The following THOC2 variants were observed in gnomAD, a reference collection of about 807,000 sequenced individuals.
THOC2 encodes the protein THO complex subunit 2.
THOC2 carries 10 observed loss-of-function variants against 128.4 expected under a neutral mutation model. The ratio of observed to expected loss-of-function variants is 0.08; its 90% confidence interval spans 0.05 to 0.13. The LOEUF (loss-of-function observed/expected upper bound fraction) is 0.13. Among genes scored for constraint, THOC2 ranks in the 10% least tolerant of loss-of-function variants. The probability of loss-of-function intolerance (pLI) is 1.00; values close to 1 mark genes in which losing one functional copy is unlikely to be tolerated. For missense variants in THOC2, 535 were observed against 1,155.7 expected (o/e 0.46, Z 7.79); for synonymous variants, 393 against 396.9 (o/e 0.99, Z 0.12).
chrX:123,635,072 T>G (rs1235067806), intron 19 of THOC2, among the ~76,000 whole-genome samples: 2 of 112,009 alleles, frequency 1.8e-5, no homozygotes, highest in Non-Finnish European at 3.8e-5. Flanking sequence ...GTTTGTTCTC[T>G]CAACTTGCCT....
chrX:123,651,403 G>C (rs1364410452), intron 12 of THOC2, among the ~76,000 whole-genome samples: 1 of 111,405 alleles, frequency 9.0e-6, no homozygotes. Flanking sequence ...AGAGAAGCAA[G>C]AGCAAACAAA....
chrX:123,633,815 CA>C (rs1240388889), intron 20 of THOC2, 137 bp downstream of exon 20: 11 of 397,153 alleles, frequency 2.8e-5, no homozygotes, highest in South Asian at 1.1e-4. Flanking sequence ...AAAAGGGGGG[CA>C]GGGGTGGTTG....
intron 9 of THOC2, among the ~76,000 whole-genome samples, chrX:123,670,036 T>A (rs1338648448): frequency 1.2e-4 from 13 of 112,342 alleles, no homozygotes; most frequent in Non-Finnish European, 2.4e-4. Flanking sequence ...AATTTGTACT[T>A]TCCACATATG....
intron 12 of THOC2, among the ~76,000 whole-genome samples, chrX:123,662,587 C>CA (rs777761030): frequency 0.063 from 2,976 of 47,094 alleles, 120 homozygotes; most frequent in Non-Finnish European, 0.085. Flanking sequence ...GACTCCGTCT[C>CA]AAAAAAAAAA....
At chrX:123,716,808 G>A (rs2051442044) in intron 1 of THOC2, among the ~76,000 whole-genome samples, 1 of 105,513 alleles carries the variant, frequency 9.5e-6, no homozygotes, top group Admixed American at 1.0e-4. Flanking sequence ...TGAGGCAGGA[G>A]AATCGCTTGG....
intron 30 of THOC2, among the ~76,000 whole-genome samples, chrX:123,622,245 C>A (rs1395805031): frequency 1.8e-5 from 2 of 110,044 alleles, no homozygotes; most frequent in African/African-American, 6.6e-5. Flanking sequence ...TAAAAACACA[C>A]AAAAAATTAG....
At chrX:123,725,184 C>T (rs1210452555) in intron 1 of THOC2, among the ~76,000 whole-genome samples, 1 of 111,478 alleles carries the variant, frequency 9.0e-6, no homozygotes, top group Non-Finnish European at 1.9e-5. Flanking sequence ...GAGTACCTTA[C>T]AAATGGTAAG....
At chrX:123,613,268 T>A in intron 36 of THOC2, 131 bp downstream of exon 36, 5 of 640,416 alleles carry the variant, frequency 7.8e-6, no homozygotes, top group Non-Finnish European at 1.2e-5. Context: ...CCTCCCTCAA[T>A]ACCTCTTCTT....
chrX:123,706,841 AAT>A lies in THOC2; in HGVS notation c.222+15_222+16del. On this transcript the variant is annotated intron_variant, in intron 3 of 38. Transcript: ENST00000245838. ...TATATAACAACTATTAACTTAAAAA[AAT>A]ATATACATACTTACACTAATGTCAC... The A allele has an allele frequency of 1.1e-6, 1 of 916,033 alleles. No individual in the cohort carries two copies. Among genetic ancestry groups the A allele is most frequent in the South Asian group, 3.2e-5 (1 of 31,123 alleles). 75.5% of individuals were successfully genotyped at this position (916,033 alleles called of 1,213,427 possible).
At chrX:123,626,933 TC>T (rs2047290146) in intron 23 of THOC2, among the ~76,000 whole-genome samples, 1 of 111,484 alleles carries the variant, frequency 9.0e-6, no homozygotes, top group African/African-American at 3.3e-5. Flanking sequence ...CTCCTTTATA[TC>T]AAGACTGGTT....
chrX:123,628,218 C>A (rs1211436228), intron 22 of THOC2, among the ~76,000 whole-genome samples: 2 of 111,575 alleles, frequency 1.8e-5, no homozygotes, highest in Non-Finnish European at 3.8e-5. Context: ...TCTAATCTGA[C>A]CTGTTGAGTA....
intron 23 of THOC2, among the ~76,000 whole-genome samples, chrX:123,627,003 C>T (rs181004598): frequency 3.7e-4 from 42 of 112,127 alleles, no homozygotes; most frequent in Admixed American, 1.9e-3. Context: ...ATAGACTGCC[C>T]AAAAAGCCAC....
chrX:123,662,359 G>A (rs978977366), intron 12 of THOC2, among the ~76,000 whole-genome samples: 5 of 110,368 alleles, frequency 4.5e-5, no homozygotes, highest in African/African-American at 1.7e-4. Flanking sequence ...GACCGAGGTG[G>A]GCAGATCACG....
Position 123,641,828 on chromosome X carries a change from C to T in THOC2, c.1662-1206G>A, listed in dbSNP as rs2047924987. On this transcript the variant is annotated intron_variant, in intron 15 of 38. Coordinates refer to ENST00000245838, the MANE Select transcript of THOC2 (RefSeq NM_001081550.2). ...GAATTACTAAATGCCCTATAGCAAG[C>T]TCATGTTTTAAATAGTATTCAAAAC... Among the ~76,000 whole-genome samples the T allele has an allele frequency of 2.7e-5, 3 of 112,006 alleles. No individual in the cohort carries two copies. In the South Asian group the frequency reaches 1.1e-3, roughly 41 times the overall value.
At chrX:123,621,076 A>T (rs2047065849) in intron 31 of THOC2, 81 bp downstream of exon 31, 3 of 1,175,553 alleles carry the variant, frequency 2.6e-6, no homozygotes, top group African/African-American at 1.8e-5. Flanking sequence ...CCCCTATATA[A>T]CTTACCAAAA....
chrX:123,691,984 AGTTACAACAGAAACCATAT>A (rs1445030939), intron 7 of THOC2, among the ~76,000 whole-genome samples: 3 of 112,271 alleles, frequency 2.7e-5, no homozygotes, highest in Non-Finnish European at 5.6e-5. Context: ...AGAATTAAGT[AGTTACAACAGAAACCATAT>A]GGTCCACAAA....
chrX:123,614,593 A>C (rs2046821119), intron 33 of THOC2, among the ~76,000 whole-genome samples: 1 of 111,090 alleles, frequency 9.0e-6, no homozygotes, highest in Non-Finnish European at 1.9e-5. Flanking sequence ...GGAAATTTTA[A>C]ATAGTCTTAC....
chrX:123,677,287 T>C (rs1297645618), intron 8 of THOC2, among the ~76,000 whole-genome samples: 1 of 111,108 alleles, frequency 9.0e-6, no homozygotes, highest in Non-Finnish European at 1.9e-5. Context: ...GAAGTTGCTC[T>C]GGGTAAGTTA....
At chrX:123,673,949 G>A (rs2049382904) in intron 8 of THOC2, among the ~76,000 whole-genome samples, 1 of 111,941 alleles carries the variant, frequency 8.9e-6, no homozygotes, top group South Asian at 3.8e-4. Flanking sequence ...GTTTCATTCT[G>A]TTGTGGTCAG....
Sources: allele counts gnomAD v4.1 joint callset (sites outside exome capture counted in the v4.1 genomes callset), GRCh38; gene constraint gnomAD v4.1.1; transcripts MANE v1.5; gene names NCBI Gene and HGNC (gene_info 2026-07-23, HGNC 2026-07-21).